The following GRIN2A variants were observed in gnomAD, a reference collection of about 807,000 sequenced individuals.
GRIN2A encodes glutamate receptor ionotropic, NMDA 2A.
In GRIN2A, 22 loss-of-function variants were observed where a neutral mutation model predicts 113.4. The observed-to-expected ratio is 0.19, with a 90% CI of 0.14 to 0.28. The LOEUF is 0.28. Ranked by LOEUF, GRIN2A falls within the 10% of genes least tolerant of loss-of-function variation. The pLI, the probability that GRIN2A is intolerant of heterozygous loss-of-function variation, is 1.00. For synonymous variants in GRIN2A, 827 were observed against 738.4 expected, an observed-to-expected ratio of 1.12 and a Z score of -1.94; for missense variants, 1,502 against 1,887.0, an observed-to-expected ratio of 0.80 and a Z score of 3.78.
At chr16:9,991,659 G>C (rs553060301) in intron 2 of GRIN2A, among the ~76,000 whole-genome samples, 2 of 152,248 alleles carry the variant, frequency 1.3e-5, no homozygotes, top group South Asian at 4.2e-4. Flanking sequence ...ACATTTGACT[G>C]TTTTGGAGTT....
At position 10,147,650 on chromosome 16, in the gene GRIN2A, AAAG is replaced by A. The variant is rs1237770213; in HGVS notation, c.414+32345_414+32347del. ...AGGCCCTGTCTCAAAAAAAAAAAAA[AAAG>A]AAGAAGAAGAAGAAGTGTATACAGG... On this transcript the variant is annotated intron_variant, in intron 2 of 12. Transcript: ENST00000330684. 3.6e-3 allele frequency among the ~76,000 whole-genome samples: 516 copies of A among 145,100 alleles called. 5 individuals are homozygous for A. The highest frequency in any genetic ancestry group is 3.0e-3 in the Non-Finnish European group (200 of 67,620).
intron 5 of GRIN2A, among the ~76,000 whole-genome samples, chr16:9,843,080 A>G (rs2141351473): frequency 6.6e-6 from 1 of 151,980 alleles, no homozygotes; most frequent in Middle Eastern, 3.4e-3. Flanking sequence ...GGGAGAGAGA[A>G]GAGAGAAAGA....
intron 2 of GRIN2A, among the ~76,000 whole-genome samples, chr16:10,141,242 G>A (rs893190733): frequency 6.6e-6 from 1 of 152,078 alleles, no homozygotes; most frequent in Non-Finnish European, 1.5e-5. Flanking sequence ...TGTAATCCCA[G>A]CACTTTGGGA....
intron 2 of GRIN2A, among the ~76,000 whole-genome samples, chr16:10,134,215 A>G (rs1567323578): frequency 2.3e-5 from 3 of 128,106 alleles, no homozygotes; most frequent in Non-Finnish European, 4.9e-5. Context: ...AAAAAAAAAA[A>G]AATGGAGAGG....
chr16:10,074,494 C>A (rs781152541), intron 2 of GRIN2A, among the ~76,000 whole-genome samples: 23 of 150,172 alleles, frequency 1.5e-4, no homozygotes, highest in Non-Finnish European at 3.1e-4. Flanking sequence ...ATCCTACAAT[C>A]AATGAAGGGA....
Position 9,764,379 on chromosome 16 carries a change from C to A in GRIN2A, c.3165G>T (p.Glu1055Asp), listed in dbSNP as rs747468312. ...SLKSPRYLPE[E>D]MAHSDISETS... is the part of the protein sequence containing the mutation. The stretch of plus-strand genomic sequence containing the variant: ...TTTCTGAAATGTCAGAGTGGGCCAT[C>A]TCTTCTGGAAGATACCTAGGGCTCT... The change falls in exon 13 of 13, where the codon GAG becomes GAT. Residue 1055 changes from glutamate to aspartate, a missense_variant. Glu to Asp is a conservative substitution (Grantham distance 45). This residue lies in a region of GRIN2A where 832 missense variants were observed against 789.7 expected (regional missense o/e 1.05). Coordinates refer to ENST00000330684, the MANE Select transcript of GRIN2A (RefSeq NM_001134407.3). The A allele has an allele frequency of 6.2e-7, 1 of 1,614,128 alleles. No homozygotes were observed. The highest frequency in any genetic ancestry group is 8.5e-7 in the Non-Finnish European group (1 of 1,180,006).
intron 2 of GRIN2A, among the ~76,000 whole-genome samples, chr16:10,074,125 A>T (rs540618749): frequency 6.6e-6 from 1 of 152,372 alleles, no homozygotes; most frequent in Non-Finnish European, 1.5e-5. Context: ...ACATAAAAAT[A>T]TGCTCAATAC....
At chr16:9,830,316 G>A (rs2042468087) in intron 8 of GRIN2A, among the ~76,000 whole-genome samples, 1 of 152,160 alleles carries the variant, frequency 6.6e-6, no homozygotes, top group African/African-American at 2.4e-5. Flanking sequence ...ACTTTTTCCA[G>A]TATATCCTCG....
chr16:9,873,534 A>G (rs1036314028), intron 4 of GRIN2A, among the ~76,000 whole-genome samples: 1 of 135,746 alleles, frequency 7.4e-6, no homozygotes, highest in African/African-American at 3.2e-5. Context: ...GACACCCCCC[A>G]TCTCTAAAAA....
intron 2 of GRIN2A, among the ~76,000 whole-genome samples, chr16:10,020,701 T>C (rs2650427): frequency 0.57 from 87,291 of 152,002 alleles, 25,388 homozygotes; most frequent in Middle Eastern, 0.66. Flanking sequence ...ACCTATGATG[T>C]TGTAAGGACA....
At chr16:9,815,060 C>G (rs1301335036) in intron 10 of GRIN2A, among the ~76,000 whole-genome samples, 1 of 150,812 alleles carries the variant, frequency 6.6e-6, no homozygotes. Flanking sequence ...CTAAATCCCA[C>G]AGGCTTTGCA....
intron 2 of GRIN2A, among the ~76,000 whole-genome samples, chr16:9,964,956 C>A (rs1376657457): frequency 2.0e-5 from 3 of 152,234 alleles, no homozygotes; most frequent in East Asian, 3.9e-4. Flanking sequence ...TAATAATTGT[C>A]AGGAACTATA....
At chr16:9,945,558 A>C (rs1002850491) in intron 2 of GRIN2A, among the ~76,000 whole-genome samples, 1 of 152,156 alleles carries the variant, frequency 6.6e-6, no homozygotes, top group African/African-American at 2.4e-5. Flanking sequence ...TGTATTGCAA[A>C]CAACTCCTCT....
intron 2 of GRIN2A, among the ~76,000 whole-genome samples, chr16:10,044,333 G>A (rs1284821533): frequency 6.6e-6 from 1 of 151,844 alleles, no homozygotes; most frequent in Non-Finnish European, 1.5e-5. Flanking sequence ...CACCTGGCCT[G>A]CAATATTTTT....
At chr16:10,134,507 T>A (rs1002396877) in intron 2 of GRIN2A, among the ~76,000 whole-genome samples, 4 of 151,840 alleles carry the variant, frequency 2.6e-5, no homozygotes, top group Admixed American at 1.3e-4. Flanking sequence ...GGGATAGCAT[T>A]AGGAGAAATA....
chr16:9,889,368 C>G (rs2141477597), intron 4 of GRIN2A, among the ~76,000 whole-genome samples: 1 of 152,026 alleles, frequency 6.6e-6, no homozygotes, highest in East Asian at 1.9e-4. Context: ...TTTGTGTGAT[C>G]ATTATTGCTA....
At chr16:10,074,040 C>T (rs12599320) in intron 2 of GRIN2A, among the ~76,000 whole-genome samples, 45,142 of 151,944 alleles carry the variant, frequency 0.3, 8,137 homozygotes, top group East Asian at 0.58. Flanking sequence ...AATAGAAAGG[C>T]GACTCCGTTT....
chr16:9,995,897 G>C (rs535138016), intron 2 of GRIN2A, among the ~76,000 whole-genome samples: 1 of 151,990 alleles, frequency 6.6e-6, no homozygotes, highest in Admixed American at 6.6e-5. Flanking sequence ...AGAGGGATTT[G>C]CAGGGAGGTA....
chr16:10,030,746 T>C (rs929925590), intron 2 of GRIN2A, among the ~76,000 whole-genome samples: 26 of 152,204 alleles, frequency 1.7e-4, no homozygotes, highest in African/African-American at 6.0e-4. Flanking sequence ...AGTCATTACA[T>C]AGAAACTTAA....
Sources: gnomAD v4.1 joint callset for allele counts (sites outside exome capture counted in the v4.1 genomes callset) on GRCh38, gnomAD v4.1.1 for gene constraint, gnomAD v4.1.1 regional missense constraint, MANE v1.5 for transcripts, NCBI Gene and HGNC (gene_info 2026-07-23, HGNC 2026-07-21) for gene names.